CAPZB: variants seen among roughly 807,000 people sequenced by gnomAD.
CAPZB encodes the protein capping actin protein of muscle Z-line subunit beta, also known as F-actin-capping protein subunit beta.
A neutral mutation model predicts 38.1 loss-of-function variants in CAPZB; 2 were observed. The observed-to-expected ratio is 0.05, with a 90% confidence interval of 0.02 to 0.17. The LOEUF (loss-of-function observed/expected upper bound fraction) is 0.17, where lower values mean the gene tolerates loss of function less well. CAPZB is among the 10% of genes least tolerant of loss of function. The pLI, the probability that CAPZB is intolerant of heterozygous loss-of-function variation, is 1.00. For synonymous variants in CAPZB, 107 were observed against 127.4 expected, an observed-to-expected ratio of 0.84 and a Z score of 1.08; for missense variants, 161 against 334.2, an observed-to-expected ratio of 0.48 and a Z score of 4.04.
At chr1:19,392,991 C>T (rs74056842) in intron 2 of CAPZB, among the ~76,000 whole-genome samples, 2,014 of 152,302 alleles carry the variant, frequency 0.013, 46 homozygotes, top group African/African-American at 0.046. Flanking sequence ...GACACATGGC[C>T]TCCACCAGCC....
intron 1 of CAPZB, among the ~76,000 whole-genome samples, chr1:19,426,023 G>C (rs2094421239): frequency 1.3e-5 from 2 of 152,230 alleles, no homozygotes; most frequent in African/African-American, 4.8e-5. Flanking sequence ...TGCCTTTCCA[G>C]GCAGCAGGTG....
At chr1:19,392,529 A>T (rs1228038801) in intron 2 of CAPZB, among the ~76,000 whole-genome samples, 4 of 16,448 alleles carry the variant, frequency 2.4e-4, no homozygotes, top group South Asian at 1.2e-3. Flanking sequence ...CTTAAGAATT[A>T]AAAAAAAAAA....
At chr1:19,435,916 G>C (rs1177307098) in intron 1 of CAPZB, among the ~76,000 whole-genome samples, 2 of 152,228 alleles carry the variant, frequency 1.3e-5, no homozygotes, top group South Asian at 2.1e-4. Flanking sequence ...TGAGTCACAA[G>C]TGAGGAAGGC....
At chr1:19,354,886 G>C (rs1207965026) in intron 6 of CAPZB, among the ~76,000 whole-genome samples, 5 of 152,166 alleles carry the variant, frequency 3.3e-5, no homozygotes, top group Admixed American at 3.3e-4. Flanking sequence ...GGCTGCCTGG[G>C]GGTTTGGCTG....
chr1:19,346,817 CTTTTTTTTTT>C (rs34733600), intron 6 of CAPZB, among the ~76,000 whole-genome samples: 3 of 84,100 alleles, frequency 3.6e-5, no homozygotes, highest in Non-Finnish European at 4.7e-5. Flanking sequence ...CGACTTTTGT[CTTTTTTTTTT>C]TTTTTTTTTT....
intron 4 of CAPZB, among the ~76,000 whole-genome samples, chr1:19,367,160 T>C (rs948959864): frequency 6.6e-6 from 1 of 152,224 alleles, no homozygotes; most frequent in Non-Finnish European, 1.5e-5. Context: ...TCCAGAGAGC[T>C]GCAGACGGCA....
chr1:19,387,339 C>A (rs2094209551), intron 2 of CAPZB, among the ~76,000 whole-genome samples: 1 of 152,188 alleles, frequency 6.6e-6, no homozygotes, highest in African/African-American at 2.4e-5. Flanking sequence ...GGCAAACAGC[C>A]CTCTCCTAGC....
chr1:19,479,619 C>T (rs1386182938), intron 1 of CAPZB, among the ~76,000 whole-genome samples: 1 of 152,202 alleles, frequency 6.6e-6, no homozygotes, highest in Admixed American at 6.5e-5. Flanking sequence ...CCTTTCCACA[C>T]CCACAGCTGC....
chr1:19,350,706 C>G (rs1279096703), intron 6 of CAPZB, among the ~76,000 whole-genome samples: 1 of 152,124 alleles, frequency 6.6e-6, no homozygotes, highest in Non-Finnish European at 1.5e-5. Flanking sequence ...CCTCGGCCTC[C>G]CAGGTTCAGG....
rs571826508 is a variant in CAPZB at position 19,385,594 on chromosome 1, A to G, written c.126T>C (p.Ser42=). The part of the protein sequence containing the change: ...VPSLCEDLLS[S]VDQPLKIARD... ...TGGCAATTTTCAGTGGCTGGTCAAC[A>G]GAAGACAGGAGATCCTCACATAGAC... The change falls in exon 3 of 9, where the codon TCT becomes TCC. Residue 42 remains serine (S), a synonymous_variant. Transcript: ENST00000264202. The G allele has an allele frequency of 1.2e-6, 2 of 1,614,202 alleles. No individual in the cohort carries two copies. The highest frequency in any genetic ancestry group is 2.7e-5 in the African/African-American group (2 of 75,056).
chr1:19,481,131 T>C (rs1247516712), intron 1 of CAPZB, among the ~76,000 whole-genome samples: 1 of 152,226 alleles, frequency 6.6e-6, no homozygotes, highest in Non-Finnish European at 1.5e-5. Flanking sequence ...AGCCTAAAGT[T>C]GAACCTACCT....
At chr1:19,417,411 C>A (rs201285765) in intron 2 of CAPZB, among the ~76,000 whole-genome samples, 2 of 152,310 alleles carry the variant, frequency 1.3e-5, no homozygotes, top group East Asian at 3.9e-4. Context: ...CAAGCCCCTG[C>A]AGCTGACCAA....
chr1:19,441,582 C>T (rs1459580172), intron 1 of CAPZB, among the ~76,000 whole-genome samples: 1 of 151,810 alleles, frequency 6.6e-6, no homozygotes, highest in East Asian at 1.9e-4. Context: ...CCCAGGGTGG[C>T]TCCAGTATAC....
At chr1:19,478,884 G>A (rs949948423) in intron 1 of CAPZB, among the ~76,000 whole-genome samples, 1 of 152,148 alleles carries the variant, frequency 6.6e-6, no homozygotes, top group Admixed American at 6.5e-5. Flanking sequence ...TGCCTCGTAG[G>A]GCTGGCTGGA....
intron 3 of CAPZB, among the ~76,000 whole-genome samples, chr1:19,383,204 G>C (rs2094185013): frequency 6.6e-6 from 1 of 152,010 alleles, no homozygotes; most frequent in Non-Finnish European, 1.5e-5. Context: ...CTGACATTTT[G>C]GGAAGCCAAG....
chr1:19,447,038 A>T (rs747379172), intron 1 of CAPZB, among the ~76,000 whole-genome samples: 3 of 152,138 alleles, frequency 2.0e-5, no homozygotes, highest in Non-Finnish European at 4.4e-5. Context: ...TGTTTTCTCA[A>T]ATTACCACCC....
chr1:19,440,305 T>C lies in CAPZB; in HGVS notation c.4-20555A>G, dbSNP rs113049982. ...CACCTGTCTCAGCCTTCCAAAGTGCTGGGATTACAGGTGTGAGCCATGCAC... is the reference window on the plus strand; with the variant it reads ...CACCTGTCTCAGCCTTCCAAAGTGCCGGGATTACAGGTGTGAGCCATGCAC... On this transcript the variant is annotated intron_variant, in intron 1 of 8. Coordinates refer to ENST00000264202, the MANE Select transcript of CAPZB (RefSeq NM_004930.5). Among the ~76,000 whole-genome samples the C allele has an allele frequency of 6.5e-3, 989 of 152,292 alleles. 11 individuals carry two copies. Among genetic ancestry groups the C allele is most frequent in the African/African-American group, 0.022 (913 of 41,552 alleles).
intron 1 of CAPZB, among the ~76,000 whole-genome samples, chr1:19,429,404 T>C (rs2094434904): frequency 1.3e-5 from 2 of 152,252 alleles, no homozygotes; most frequent in Non-Finnish European, 2.9e-5. Flanking sequence ...CTTCTTCCTT[T>C]TCTTGAAGAA....
At chr1:19,385,424 G>A in intron 3 of CAPZB, 81 bp downstream of exon 3, 2 of 1,566,522 alleles carry the variant, frequency 1.3e-6, no homozygotes, top group South Asian at 1.1e-5. Context: ...CAAGTCCAAG[G>A]TCCCCGTGCT....
Sources: gnomAD v4.1 joint callset for allele counts (sites outside exome capture counted in the v4.1 genomes callset) on GRCh38, gnomAD v4.1.1 for gene constraint, MANE v1.5 for transcripts, NCBI Gene and HGNC (gene_info 2026-07-23, HGNC 2026-07-21) for gene names.